Variants in CHM observed in about 807,000 individuals in gnomAD.
The protein encoded by CHM is rab proteins geranylgeranyltransferase component A 1.
CHM carries 10 observed loss-of-function variants against 49.0 expected under a neutral mutation model. The observed-to-expected ratio is 0.20, with a 90% CI of 0.13 to 0.35. CHM has a LOEUF of 0.35. Ranked by LOEUF, CHM falls within the 10% of genes least tolerant of loss-of-function variation. The pLI, the probability that CHM is intolerant of heterozygous loss-of-function variation, is 1.00. For missense variants in CHM, 455 were observed against 478.4 expected (o/e 0.95, Z 0.46); for synonymous variants, 184 against 167.5 (o/e 1.10, Z -0.76).
chrX:85,912,117 A>G (rs984645105), intron 8 of CHM, among the ~76,000 whole-genome samples: 12 of 111,847 alleles, frequency 1.1e-4, no homozygotes, highest in African/African-American at 3.9e-4. Flanking sequence ...TACACTGTGT[A>G]TTTATTAATA....
At chrX:85,926,980 GA>G (rs887973271) in intron 8 of CHM, among the ~76,000 whole-genome samples, 1 of 111,596 alleles carries the variant, frequency 9.0e-6, no homozygotes, top group Non-Finnish European at 1.9e-5. Flanking sequence ...AAGTTTTGGA[GA>G]GTTCTGAAAT....
intron 8 of CHM, among the ~76,000 whole-genome samples, chrX:85,942,418 G>T (rs1393444337): frequency 9.0e-6 from 1 of 110,878 alleles, no homozygotes; most frequent in African/African-American, 3.3e-5. Context: ...CTCAATCCTT[G>T]TTTTTAAGTC....
At chrX:85,934,279 CTTTTT>C (rs769967072) in intron 8 of CHM, among the ~76,000 whole-genome samples, 3,012 of 71,147 alleles carry the variant, frequency 0.042, 231 homozygotes, top group African/African-American at 0.16. Flanking sequence ...TGCGCTCAGC[CTTTTT>C]TTTTTTTTTT....
chrX:86,026,203 TCCACCA>T (rs1231670375), intron 2 of CHM, among the ~76,000 whole-genome samples: 1 of 88,419 alleles, frequency 1.1e-5, no homozygotes, highest in Non-Finnish European at 2.1e-5. Flanking sequence ...TACTGCAACC[TCCACCA>T]CCGGACCAAG....
intron 8 of CHM, among the ~76,000 whole-genome samples, chrX:85,917,861 T>A (rs1460443722): frequency 9.2e-6 from 1 of 108,787 alleles, no homozygotes; most frequent in Non-Finnish European, 1.9e-5. Context: ...ACAGACAAAA[T>A]TTTTTAAAAG....
At chrX:85,865,609 G>A (rs1025187147) in intron 14 of CHM, among the ~76,000 whole-genome samples, 1 of 111,546 alleles carries the variant, frequency 9.0e-6, no homozygotes, top group Non-Finnish European at 1.9e-5. Context: ...AGTTTGGAGG[G>A]CTCAGAAGAA....
chrX:85,941,554 T>C (rs1473724599), intron 8 of CHM, among the ~76,000 whole-genome samples: 1 of 111,856 alleles, frequency 8.9e-6, no homozygotes, highest in Non-Finnish European at 1.9e-5. Flanking sequence ...CTCTTAATAC[T>C]GGGGTTTTTT....
At chrX:85,945,760 T>C (rs1412597393) in intron 8 of CHM, among the ~76,000 whole-genome samples, 1 of 110,170 alleles carries the variant, frequency 9.1e-6, no homozygotes, top group Non-Finnish European at 1.9e-5. Context: ...TGAGCAAAGG[T>C]TGGAAGAAAT....
At chrX:86,004,461 G>C (rs113414483) in intron 2 of CHM, among the ~76,000 whole-genome samples, 1,715 of 111,913 alleles carry the variant, frequency 0.015, 32 homozygotes, top group African/African-American at 0.053. Flanking sequence ...AAAAGACACA[G>C]ACTGGCAAAT....
chrX:86,004,713 C>G (rs1932816835), intron 2 of CHM, among the ~76,000 whole-genome samples: 1 of 111,876 alleles, frequency 8.9e-6, no homozygotes, highest in African/African-American at 3.3e-5. Flanking sequence ...GAAGAGCTAA[C>G]TATCCTAAAT....
intron 8 of CHM, among the ~76,000 whole-genome samples, chrX:85,945,495 G>C (rs1015686909): frequency 1.9e-5 from 2 of 103,257 alleles, no homozygotes; most frequent in Non-Finnish European, 4.0e-5. Flanking sequence ...TTCAGCTTCT[G>C]TCATAATTGT....
rs3790356 is a variant in CHM, at chrX:85,883,144, C to T, written c.1511-4081G>A. 4.0e-4 allele frequency among the ~76,000 whole-genome samples: 45 copies of T among 111,581 alleles called. No homozygotes were observed. In the East Asian group the frequency reaches 9.8e-3, roughly 24 times the overall value. On this transcript the variant is annotated intron_variant, in intron 12 of 14. Transcript: ENST00000357749. ...TGTAAAAGGTAGGAAATCTATTCCT[C>T]AAGCTTCTGAGGTTACCACATACAG...
chrX:86,003,794 T>C (rs188133359), intron 2 of CHM, among the ~76,000 whole-genome samples: 100 of 111,978 alleles, frequency 8.9e-4, no homozygotes, highest in African/African-American at 3.0e-3. Context: ...GACTGCTGTA[T>C]CTGAAAGTGA....
At chrX:85,941,170 T>C (rs1929082930) in intron 8 of CHM, among the ~76,000 whole-genome samples, 1 of 112,194 alleles carries the variant, frequency 8.9e-6, no homozygotes, top group African/African-American at 3.2e-5. Flanking sequence ...CAGATGCTTC[T>C]TCAAAAGATT....
intron 12 of CHM, among the ~76,000 whole-genome samples, chrX:85,884,715 A>G (rs189836075): frequency 5.4e-4 from 60 of 111,384 alleles, no homozygotes; most frequent in African/African-American, 1.9e-3. Context: ...AAAAGTCATT[A>G]AAGAGAATAA....
chrX:85,885,714 A>T (rs1925046246), intron 12 of CHM, among the ~76,000 whole-genome samples: 1 of 111,140 alleles, frequency 9.0e-6, no homozygotes, highest in African/African-American at 3.3e-5. Context: ...GATTCTTCCA[A>T]CAGGAAGAAC....
chrX:85,889,826 T>TA (rs1343364348), intron 12 of CHM, among the ~76,000 whole-genome samples: 3 of 111,772 alleles, frequency 2.7e-5, no homozygotes, highest in Non-Finnish European at 5.7e-5. Context: ...TGGACTGGAT[T>TA]AAAAAAATGT....
chrX:86,005,329 C>A (rs1418748233), intron 2 of CHM, among the ~76,000 whole-genome samples: 2 of 111,728 alleles, frequency 1.8e-5, no homozygotes, highest in African/African-American at 6.5e-5. Flanking sequence ...CTAAAATTGA[C>A]ACCCTAACAT....
chrX:85,910,869 C>T lies in CHM; in HGVS notation c.1244+392G>A, dbSNP rs1015207530. 1.1e-4 allele frequency among the ~76,000 whole-genome samples: 12 copies of T among 105,946 alleles called. No homozygotes were observed. The Middle Eastern group carries it at 0.014, about 128-fold the overall frequency. The allele number at this position is 105,946 out of a possible 115,157, so 92.0% of individuals were successfully genotyped here. A position where few individuals can be genotyped will look rare whatever the true frequency, so the allele number is the denominator to read the frequency against. ...GTAAGGCCACAAGGAAAACTAACAT[C>T]ACTCATCACCCACCCCCTGGCAGCT... On this transcript the variant is annotated intron_variant, in intron 9 of 14. Transcript: ENST00000357749.
Sources: gnomAD v4.1 joint callset for allele counts (sites outside exome capture counted in the v4.1 genomes callset) on GRCh38, gnomAD v4.1.1 for gene constraint, MANE v1.5 for transcripts, NCBI Gene and HGNC (gene_info 2026-07-23, HGNC 2026-07-21) for gene names.